The following COG5 variants were observed in gnomAD, a reference collection of about 807,000 sequenced individuals.
COG5 encodes conserved oligomeric Golgi complex subunit 5.
Under a neutral mutation model 110.4 loss-of-function variants are expected in COG5, and 86 were observed. That is an observed-to-expected ratio of 0.78 (90% CI 0.65 to 0.93). COG5 has a LOEUF of 0.93. Ranked by LOEUF, COG5 falls within the 40% of genes least tolerant of loss-of-function variation. COG5 has a pLI of 0.00. For missense variants in COG5, 1,077 were observed against 987.0 expected (o/e 1.09, Z -1.22); for synonymous variants, 360 against 334.6 (o/e 1.08, Z -0.83).
intron 18 of COG5, among the ~76,000 whole-genome samples, chr7:107,235,164 C>T (rs767248394): frequency 1.3e-5 from 2 of 152,142 alleles, no homozygotes; most frequent in Non-Finnish European, 2.9e-5. Context: ...TTACCTGTTC[C>T]TTTTTTGAAA....
chr7:107,475,347 G>C, intron 6 of COG5: 1 of 1,506,778 alleles, frequency 6.6e-7, no homozygotes, highest in East Asian at 2.3e-5. Flanking sequence ...TAGTGCCTCA[G>C]GTTGTCACAG....
At chr7:107,496,229 C>T (rs1584895262) in intron 6 of COG5, among the ~76,000 whole-genome samples, 1 of 152,314 alleles carries the variant, frequency 6.6e-6, no homozygotes, top group Non-Finnish European at 1.5e-5. Context: ...AACAGCCCAA[C>T]ATCCTGTATA....
In COG5 at chr7:107,372,825, A is replaced by C. The variant is rs534775934; in HGVS notation, c.670-65T>G. On this transcript the variant is annotated intron_variant, in intron 7 of 21. Coordinates refer to ENST00000297135, the MANE Select transcript of COG5 (RefSeq NM_006348.5). ...AGGAAAACAAACAAAATCAACATAA[A>C]TATACAACTTTAAGCAGGACTTCAG... The C allele has an allele frequency of 6.6e-6, 10 of 1,506,416 alleles. No homozygotes were observed. In the East Asian group the frequency reaches 2.3e-4, roughly 35 times the overall value. 93.3% of individuals were successfully genotyped at this position (1,506,416 alleles called of 1,614,324 possible).
At chr7:107,417,651 T>C (rs1479208834) in intron 6 of COG5, among the ~76,000 whole-genome samples, 1 of 152,172 alleles carries the variant, frequency 6.6e-6, no homozygotes, top group East Asian at 1.9e-4. Context: ...TATACTACTT[T>C]ATATGCTTTT....
intron 5 of COG5, among the ~76,000 whole-genome samples, chr7:107,542,708 G>A (rs188714963): frequency 8.5e-5 from 13 of 152,160 alleles, no homozygotes; most frequent in African/African-American, 2.9e-4. Flanking sequence ...GGTGGCTCAC[G>A]CCTGTAATCC....
At chr7:107,291,026 T>A (rs1806126282) in intron 12 of COG5, among the ~76,000 whole-genome samples, 2 of 152,220 alleles carry the variant, frequency 1.3e-5, no homozygotes, top group Non-Finnish European at 2.9e-5. Context: ...CCACGATGTA[T>A]CTGTTTGTGG....
chr7:107,550,409 A>G (rs1341592632), intron 3 of COG5, among the ~76,000 whole-genome samples: 2 of 152,198 alleles, frequency 1.3e-5, no homozygotes, highest in Admixed American at 6.5e-5. Flanking sequence ...AAACTCTTCC[A>G]ATGGTTTACC....
intron 6 of COG5, among the ~76,000 whole-genome samples, chr7:107,458,869 A>G (rs1795818863): frequency 6.6e-6 from 1 of 151,972 alleles, no homozygotes; most frequent in Non-Finnish European, 1.5e-5. Flanking sequence ...TTTCATGTAC[A>G]TTATATGTAT....
chr7:107,347,400 C>A (rs543719719), intron 10 of COG5, among the ~76,000 whole-genome samples: 22 of 152,214 alleles, frequency 1.4e-4, no homozygotes, highest in African/African-American at 5.3e-4. Context: ...GAAGATATCA[C>A]CCTTAAATAG....
At chr7:107,273,270 T>G (rs145434620) in intron 14 of COG5, among the ~76,000 whole-genome samples, 10 of 152,300 alleles carry the variant, frequency 6.6e-5, no homozygotes, top group Admixed American at 2.0e-4. Context: ...GCAGGTTTTC[T>G]TTCGATCTTA....
At chr7:107,367,304 C>A (rs1476687922) in intron 8 of COG5, among the ~76,000 whole-genome samples, 1 of 151,936 alleles carries the variant, frequency 6.6e-6, no homozygotes, top group Non-Finnish European at 1.5e-5. Flanking sequence ...ATTATGATAT[C>A]CAGCCAAGGG....
chr7:107,358,270 T>C (rs952213352), intron 10 of COG5, among the ~76,000 whole-genome samples: 10 of 152,152 alleles, frequency 6.6e-5, no homozygotes, highest in Admixed American at 3.9e-4. Context: ...CCACTGCACA[T>C]AAAGACTAAA....
chr7:107,551,741 C>T (rs1379719200), intron 3 of COG5, among the ~76,000 whole-genome samples: 1 of 152,160 alleles, frequency 6.6e-6, no homozygotes, highest in African/African-American at 2.4e-5. Context: ...CATCAGCCTC[C>T]CAAGTAGCTG....
chr7:107,545,779 C>CAAAAAAAAAAAAAAA (rs59515448), intron 5 of COG5, among the ~76,000 whole-genome samples: 9 of 69,854 alleles, frequency 1.3e-4, no homozygotes, highest in Non-Finnish European at 2.1e-4. Context: ...GACTCCATCT[C>CAAAAAAAAAAAAAAA]AAAAAAAAAA....
intron 10 of COG5, among the ~76,000 whole-genome samples, chr7:107,358,162 T>C (rs1812790904): frequency 6.6e-6 from 1 of 152,250 alleles, no homozygotes; most frequent in African/African-American, 2.4e-5. Flanking sequence ...AGTACAGTTG[T>C]TTCATTATAA....
At chr7:107,545,300 T>G (rs180996935) in intron 5 of COG5, among the ~76,000 whole-genome samples, 3 of 152,240 alleles carry the variant, frequency 2.0e-5, no homozygotes, top group Non-Finnish European at 4.4e-5. Context: ...TCAGGTTCAA[T>G]GTAAACAAGA....
chr7:107,261,314 T>TTCTCTC (rs146146553), intron 14 of COG5, among the ~76,000 whole-genome samples: 3 of 149,120 alleles, frequency 2.0e-5, no homozygotes, highest in South Asian at 4.3e-4. Context: ...ATCATTTGTA[T>TTCTCTC]TCTCTCTCTC....
At chr7:107,262,666 T>C (rs573549728) in intron 14 of COG5, among the ~76,000 whole-genome samples, 16 of 152,264 alleles carry the variant, frequency 1.1e-4, no homozygotes, top group Middle Eastern at 3.4e-3. Flanking sequence ...CCTAAGCCCC[T>C]AGGAGATTGT....
At chr7:107,320,787 ACT>A (rs1465048840) in intron 11 of COG5, among the ~76,000 whole-genome samples, 1 of 152,196 alleles carries the variant, frequency 6.6e-6, no homozygotes, top group Non-Finnish European at 1.5e-5. Flanking sequence ...TAATTACAGG[ACT>A]CTCTGAGAGA....
Sources: allele counts gnomAD v4.1 joint callset (sites outside exome capture counted in the v4.1 genomes callset), GRCh38; gene constraint gnomAD v4.1.1; transcripts MANE v1.5; gene names NCBI Gene and HGNC (gene_info 2026-07-23, HGNC 2026-07-21).